Variants in IMPG2 observed in about 807,000 individuals in gnomAD.
IMPG2 encodes interphotoreceptor matrix proteoglycan 2, also known as IPM 200.
Under a neutral mutation model 129.2 loss-of-function variants are expected in IMPG2, and 91 were observed. That is an observed-to-expected ratio of 0.70 (90% CI 0.59 to 0.84). The LOEUF (loss-of-function observed/expected upper bound fraction) is 0.84. IMPG2 is among the 40% of genes least tolerant of loss of function. The pLI is 0.00. For missense variants in IMPG2, 1,430 were observed against 1,461.7 expected (o/e 0.98, Z 0.35); for synonymous variants, 510 against 517.7 (o/e 0.99, Z 0.20).
At chr3:101,298,410 T>C (rs1469458458) in intron 3 of IMPG2, among the ~76,000 whole-genome samples, 1 of 152,208 alleles carries the variant, frequency 6.6e-6, no homozygotes, top group East Asian at 1.9e-4. Flanking sequence ...AAGGTTAATA[T>C]TGTTATGTGT....
intron 7 of IMPG2, among the ~76,000 whole-genome samples, chr3:101,272,623 C>G (rs1032083152): frequency 2.6e-5 from 4 of 152,138 alleles, no homozygotes; most frequent in Admixed American, 2.0e-4. Context: ...GCCAGGTGGC[C>G]ACTGGCCTGG....
At chr3:101,293,411 G>A (rs1162890010) in intron 3 of IMPG2, among the ~76,000 whole-genome samples, 1 of 152,178 alleles carries the variant, frequency 6.6e-6, no homozygotes, top group Non-Finnish European at 1.5e-5. Context: ...TTTCTGAGCA[G>A]TAGGTTTCAA....
intron 3 of IMPG2, 80 bp downstream of exon 3, chr3:101,304,066 G>A: frequency 6.8e-7 from 1 of 1,464,416 alleles, no homozygotes; most frequent in South Asian, 1.1e-5. Flanking sequence ...TTTGCCACTT[G>A]CTTTTGCTTC....
At chr3:101,227,967 C>T in intron 18 of IMPG2, 1 of 400,294 alleles carries the variant, frequency 2.5e-6, no homozygotes, top group Non-Finnish European at 5.1e-6. Flanking sequence ...GCATGAATTG[C>T]TCTGATTTTT....
At chr3:101,230,911 TA>T in intron 16 of IMPG2, 45 bp downstream of exon 16, 1 of 1,535,556 alleles carries the variant, frequency 6.5e-7, no homozygotes, top group South Asian at 1.1e-5. Context: ...AATAAATGTG[TA>T]AATGGAACAT....
chr3:101,270,997 A>G (rs78179570), intron 7 of IMPG2, among the ~76,000 whole-genome samples: 4,256 of 152,220 alleles, frequency 0.028, 86 homozygotes, highest in Non-Finnish European at 0.046. Flanking sequence ...GGAGAGTGGG[A>G]TTTTTAAAAA....
At position 101,273,631 on chromosome 3, in the gene IMPG2, C is replaced by A. The variant is rs1430836624; in HGVS notation, c.778G>T (p.Asp260Tyr). 1 of 1,614,016 alleles carries A rather than the reference C, an allele frequency of 6.2e-7. No homozygotes were observed. The highest frequency in any genetic ancestry group is 8.5e-7 in the Non-Finnish European group (1 of 1,179,982). Residue 260 changes from aspartate to tyrosine, a missense_variant, in exon 7 of 19, where the codon GAT (aspartate) becomes TAT (tyrosine). Coordinates refer to ENST00000193391, the MANE Select transcript of IMPG2 (RefSeq NM_016247.4). ...LGKQYREELQ[D>Y]SSSFHHQHLE... ...TGCTGGTGGTGAAAGCTGGAGGAAT[C>A]CTGTAGTTCTTCCCTGTACTGCTTC...
At chr3:101,265,579 T>C (rs908591208) in intron 9 of IMPG2, among the ~76,000 whole-genome samples, 4 of 152,044 alleles carry the variant, frequency 2.6e-5, no homozygotes, top group Non-Finnish European at 5.9e-5. Flanking sequence ...AATGTCAGAC[T>C]TGAAAAACTA....
intron 15 of IMPG2, among the ~76,000 whole-genome samples, chr3:101,231,941 T>C (rs1359341039): frequency 6.6e-6 from 1 of 152,228 alleles, no homozygotes; most frequent in Non-Finnish European, 1.5e-5. Context: ...CAGATGTACT[T>C]AAAGAAAAAT....
rs1419896779 is a variant in IMPG2 at position 101,242,698 on chromosome 3, A to G, written c.3012T>C (p.Asp1004=). 1 of 1,611,162 alleles carries G rather than the reference A, an allele frequency of 6.2e-7. No homozygotes were observed. The highest frequency in any genetic ancestry group is 1.1e-5 in the South Asian group (1 of 91,002). ...MNLAIDKYSL[D]VESGDEANPC... ...TAGGCAATATCATACCTGATTCCAC[A>G]TCAAGAGAGTATTTATCAATAGCCA... Residue 1004 remains aspartate, a synonymous_variant, in exon 14 of 19, where the codon GAT becomes GAC. Transcript: ENST00000193391.
At chr3:101,317,649 T>C (rs970250748) in intron 2 of IMPG2, among the ~76,000 whole-genome samples, 1 of 152,178 alleles carries the variant, frequency 6.6e-6, no homozygotes, top group African/African-American at 2.4e-5. Flanking sequence ...CCATAACAGC[T>C]ATCTCAGCTA....
chr3:101,300,749 T>A (rs1707131889), intron 3 of IMPG2, among the ~76,000 whole-genome samples: 1 of 152,224 alleles, frequency 6.6e-6, no homozygotes, highest in Non-Finnish European at 1.5e-5. Flanking sequence ...GCTGTTATGG[T>A]TCTTTTAGAT....
intron 16 of IMPG2, 61 bp from the exon 17 acceptor site, chr3:101,229,651 A>G: frequency 7.1e-7 from 1 of 1,401,756 alleles, no homozygotes; most frequent in Non-Finnish European, 1.0e-6. Flanking sequence ...GTGGAAGACT[A>G]TTTACCTGGG....
At chr3:101,289,150 T>C (rs1320859779) in intron 4 of IMPG2, among the ~76,000 whole-genome samples, 2 of 152,198 alleles carry the variant, frequency 1.3e-5, no homozygotes, top group East Asian at 3.8e-4. Context: ...GGTAGGTTTT[T>C]CAAGAAGAGT....
chr3:101,280,298 C>A (rs1299660969), intron 4 of IMPG2, among the ~76,000 whole-genome samples: 4 of 152,148 alleles, frequency 2.6e-5, no homozygotes, highest in Non-Finnish European at 5.9e-5. Context: ...ATTCCTGCTC[C>A]CCTTGATATC....
chr3:101,274,461 T>C (rs1185887143), intron 6 of IMPG2, among the ~76,000 whole-genome samples: 1 of 152,064 alleles, frequency 6.6e-6, no homozygotes. Context: ...ATAGGATAAA[T>C]CCCAACAGAA....
chr3:101,227,496 T>C (rs1706237531), intron 18 of IMPG2, among the ~76,000 whole-genome samples: 1 of 152,252 alleles, frequency 6.6e-6, no homozygotes, highest in South Asian at 2.1e-4. Flanking sequence ...TTGCATGTCT[T>C]AGCCTAGAAA....
At chr3:101,237,403 C>A (rs1425758999) in intron 14 of IMPG2, among the ~76,000 whole-genome samples, 1 of 152,184 alleles carries the variant, frequency 6.6e-6, no homozygotes, top group Admixed American at 6.5e-5. Context: ...GGTCCCTGAC[C>A]CCTATGTCTC....
rs138634016 is a variant in IMPG2 at position 101,223,223 on chromosome 3, A to T, written c.*3746T>A. On this transcript the variant is annotated 3_prime_UTR_variant, in exon 19 of 19. Transcript: ENST00000193391. ...CACATCATTTTTCTGCATTTATTAC[A>T]CAATTGGGAGAATAAGCTAGGATCT... 2.8e-4 allele frequency: 42 copies of T among 152,342 alleles called. 1 individual carries two copies. Among genetic ancestry groups the T allele is most frequent in the African/African-American group, 9.9e-4 (41 of 41,588 alleles). The allele number at this position is 152,342 out of a possible 1,614,324, so 9.4% of individuals were successfully genotyped here. A position where few individuals can be genotyped will look rare whatever the true frequency, so the allele number is the denominator to read the frequency against.
Sources: gnomAD v4.1 joint callset for allele counts (sites outside exome capture counted in the v4.1 genomes callset) on GRCh38, gnomAD v4.1.1 for gene constraint, MANE v1.5 for transcripts, NCBI Gene and HGNC (gene_info 2026-07-23, HGNC 2026-07-21) for gene names.